The following CECR2 variants were observed in gnomAD, a reference collection of about 807,000 sequenced individuals.
CECR2 encodes the protein chromatin remodeling regulator CECR2.
CECR2 carries 30 observed loss-of-function variants against 154.5 expected under a neutral mutation model. That is an observed-to-expected ratio of 0.19 (90% CI 0.15 to 0.26). The LOEUF is 0.26. CECR2 is among the 10% of genes least tolerant of loss of function. CECR2 has a pLI of 1.00. For synonymous variants in CECR2, 725 were observed against 683.7 expected (o/e 1.06, Z -0.94); for missense variants, 1,743 against 1,829.3 (o/e 0.95, Z 0.86).
chr22:17,479,057 A>G (rs949168938), intron 2 of CECR2, among the ~76,000 whole-genome samples: 1 of 152,108 alleles, frequency 6.6e-6, no homozygotes, highest in Non-Finnish European at 1.5e-5. Flanking sequence ...TCTAAATGTC[A>G]TTGTCAAATA....
Position 17,542,397 on chromosome 22 carries a change from T to C in CECR2, c.2254T>C (p.Ser752Pro). ...CCGGCCACCAGACTTTCCTGAAAGC[T>C]CAGAAATTCCTCCCAGCCATATGTA... is the stretch of plus-strand genomic sequence containing the variant. ...PARPPDFPES[S>P]EIPPSHMYRS... The change falls in exon 16 of 19, where the codon TCA becomes CCA. Residue 752 changes from serine (S) to proline (P), a missense_variant. Ser to Pro is a moderately conservative substitution (Grantham distance 74). This residue lies in a region of CECR2 where 1,250 missense variants were observed against 1,192.1 expected (regional missense o/e 1.05). Transcript: ENST00000262608. The C allele has an allele frequency of 6.2e-7, 1 of 1,613,668 alleles. No homozygotes were observed. The highest frequency in any genetic ancestry group is 8.5e-7 in the Non-Finnish European group (1 of 1,179,852).
chr22:17,535,997 C>T (rs1416834741), intron 9 of CECR2, among the ~76,000 whole-genome samples: 1 of 152,086 alleles, frequency 6.6e-6, no homozygotes, highest in Non-Finnish European at 1.5e-5. Flanking sequence ...TCCTGTAATC[C>T]CAGCACTTTG....
At chr22:17,424,790 T>C (rs5747120) in intron 1 of CECR2, 10,245 of 152,816 alleles carry the variant, frequency 0.067, 935 homozygotes, top group East Asian at 0.36. Context: ...GTGTGGGGCA[T>C]GGGCAACAGT....
intron 2 of CECR2, among the ~76,000 whole-genome samples, chr22:17,491,938 G>A (rs532074658): frequency 1.3e-5 from 2 of 152,252 alleles, no homozygotes; most frequent in Admixed American, 6.5e-5. Context: ...CTGTCATGTT[G>A]ATTTTAGTAT....
chr22:17,538,792 G>T, intron 12 of CECR2, 61 bp downstream of exon 12: 1 of 1,447,640 alleles, frequency 6.9e-7, no homozygotes, highest in Non-Finnish European at 9.5e-7. Context: ...GGGTTTTGTT[G>T]TTTGTTTGTT....
At position 17,549,294 on chromosome 22, in the gene CECR2, T is replaced by G; in HGVS notation, c.4007T>G (p.Phe1336Cys). 6.2e-7 allele frequency: 1 copy of G among 1,613,980 alleles called. No homozygotes were observed. The highest frequency in any genetic ancestry group is 8.5e-7 in the Non-Finnish European group (1 of 1,179,900). Reference sequence around the variant, plus strand: ...GGAATGGGATTTGGTTCATCTGCATTTCCACCCCACAGTGTGATGCTGCAG... The same window carrying G: ...GGAATGGGATTTGGTTCATCTGCATGTCCACCCCACAGTGTGATGCTGCAG... ...SSGMGFGSSA[F>C]PPHSVMLQTG... The change falls in exon 17 of 19, where the codon TTT becomes TGT. Residue 1336 changes from phenylalanine to cysteine, a missense_variant. Phe to Cys is a radical substitution (Grantham distance 205). Transcript: ENST00000262608.
At chr22:17,413,723 C>T (rs544140471) in intron 1 of CECR2, among the ~76,000 whole-genome samples, 1 of 152,070 alleles carries the variant, frequency 6.6e-6, no homozygotes, top group African/African-American at 2.4e-5. Context: ...GTCGCCCAGG[C>T]TGGAGTACAG....
In CECR2 at chr22:17,490,145, T is replaced by TGTGTGTG. The variant is rs370040041; in HGVS notation, c.222-7258_222-7257insGTGTGTG. 9.4e-3 allele frequency among the ~76,000 whole-genome samples: 889 copies of TGTGTGTG among 94,442 alleles called. 8 individuals carry two copies. The highest frequency in any genetic ancestry group is 0.029 in the African/African-American group (844 of 29,580). The allele number at this position is 94,442 out of a possible 152,430, so 62.0% of individuals were successfully genotyped here. A position where few individuals can be genotyped will look rare whatever the true frequency, so the allele number is the denominator to read the frequency against. On this transcript the variant is annotated intron_variant, in intron 2 of 18. Coordinates refer to ENST00000262608, the MANE Select transcript of CECR2 (RefSeq NM_001290047.2). ...TGAGATCTGTTCCTTACTGTTTTTT[T>TGTGTGTG]TTTGTGTGTGTGTGTGTGTGTGTTT...
chr22:17,461,695 A>G (rs1284818858), intron 1 of CECR2, among the ~76,000 whole-genome samples: 1 of 151,954 alleles, frequency 6.6e-6, no homozygotes, highest in Non-Finnish European at 1.5e-5. Flanking sequence ...GATGTTTCCC[A>G]TGTTTTTCCT....
intron 8 of CECR2, among the ~76,000 whole-genome samples, chr22:17,517,490 C>T (rs1409630585): frequency 6.6e-6 from 1 of 152,184 alleles, no homozygotes; most frequent in African/African-American, 2.4e-5. Flanking sequence ...ATGCCATCTT[C>T]GAGTAACACT....
chr22:17,360,992 A>G (rs1311074324), intron 1 of CECR2, among the ~76,000 whole-genome samples: 2 of 151,890 alleles, frequency 1.3e-5, no homozygotes, highest in African/African-American at 2.4e-5. Context: ...GTGAAACCCC[A>G]TCTCTACAAA....
chr22:17,478,645 G>A (rs2055252870), intron 2 of CECR2, among the ~76,000 whole-genome samples: 1 of 152,140 alleles, frequency 6.6e-6, no homozygotes, highest in Non-Finnish European at 1.5e-5. Context: ...GTGAGCCACC[G>A]CGCCTGGCCA....
rs2055004182 is a variant in CECR2, at chr22:17,464,996, A to AT, written c.127-12592_127-12591insT. 1.2e-4 allele frequency among the ~76,000 whole-genome samples: 9 copies of AT among 76,684 alleles called. No individual in the cohort carries two copies. In the South Asian group the frequency reaches 2.4e-3, roughly 20 times the overall value. The allele number at this position is 76,684 out of a possible 152,430, so 50.3% of individuals were successfully genotyped here. On this transcript the variant is annotated intron_variant, in intron 1 of 18. Coordinates refer to ENST00000262608, the MANE Select transcript of CECR2 (RefSeq NM_001290047.2). ...ATGATCATTAAAACATCAATATTTAAATTTTTTTTTTTTTTTTTGAGACGA... is the reference window on the plus strand; with the variant it reads ...ATGATCATTAAAACATCAATATTTAATATTTTTTTTTTTTTTTTTGAGACGA...
intron 1 of CECR2, among the ~76,000 whole-genome samples, chr22:17,459,565 C>T (rs1234084492): frequency 6.6e-6 from 1 of 151,998 alleles, no homozygotes; most frequent in Admixed American, 6.6e-5. Context: ...CCCCCGGCGT[C>T]GGCCTCACAA....
At position 17,541,884 on chromosome 22, in the gene CECR2, C is replaced by G. The variant is rs760212176; in HGVS notation, c.1930C>G (p.Pro644Ala). 1 of 1,614,016 alleles carries G rather than the reference C, an allele frequency of 6.2e-7. No homozygotes were observed. The highest frequency in any genetic ancestry group is 1.3e-5 in the African/African-American group (1 of 75,068). ...GTFGPLRGSD[P>A]ATLYGSSGVP... ...ATTTGGCCCTCTGCGAGGATCAGAT[C>G]CTGCCACCTTGTATGGCTCCTCTGG... Residue 644 changes from proline (P) to alanine (A), a missense_variant, in exon 15 of 19, where the codon CCT becomes GCT. By Grantham distance (27) the Pro-to-Ala change is conservative. Coordinates refer to ENST00000262608, the MANE Select transcript of CECR2 (RefSeq NM_001290047.2).
At chr22:17,366,657 G>A (rs1183975632), upstream of CECR2, among the ~76,000 whole-genome samples, 5 of 152,154 alleles carry the variant, frequency 3.3e-5, no homozygotes, top group African/African-American at 1.2e-4. Flanking sequence ...TAGGCTGGAA[G>A]TTAGTCCAGA....
intron 2 of CECR2, among the ~76,000 whole-genome samples, chr22:17,492,071 T>C (rs1274868956): frequency 6.6e-6 from 1 of 152,250 alleles, no homozygotes; most frequent in Non-Finnish European, 1.5e-5. Flanking sequence ...CAGAATCTTT[T>C]ACTTGTTGCT....
chr22:17,541,136 C>T (rs1013138566), intron 14 of CECR2, among the ~76,000 whole-genome samples: 9 of 152,080 alleles, frequency 5.9e-5, no homozygotes, highest in African/African-American at 2.2e-4. Context: ...TAGGTATTCT[C>T]AATGTGGGCA....
chr22:17,552,689 C>T, intron 18 of CECR2, 146 bp from the exon 19 acceptor site: 2 of 756,564 alleles, frequency 2.6e-6, no homozygotes, highest in Admixed American at 2.8e-5. Flanking sequence ...CTAGAACCTA[C>T]CCTCTGGAAG....
Sources: gnomAD v4.1 joint callset for allele counts (sites outside exome capture counted in the v4.1 genomes callset) on GRCh38, gnomAD v4.1.1 for gene constraint, gnomAD v4.1.1 regional missense constraint, MANE v1.5 for transcripts, NCBI Gene and HGNC (gene_info 2026-07-23, HGNC 2026-07-21) for gene names.